The following RP1 variants were observed in gnomAD, a reference collection of about 807,000 sequenced individuals.
The protein encoded by RP1 is oxygen-regulated protein 1.
RP1 carries 16 observed loss-of-function variants against 14.8 expected under a neutral mutation model. That is an observed-to-expected ratio of 1.08 (90% confidence interval 0.73 to 1.65). The LOEUF is 1.65. Ranked by LOEUF, RP1 falls within the 40% of genes most tolerant of loss-of-function variation. The pLI, the probability that RP1 is intolerant of heterozygous loss-of-function variation, is 0.00. For synonymous variants in RP1, 876 were observed against 883.6 expected, an observed-to-expected ratio of 0.99 and a Z score of 0.15; for missense variants, 2,631 against 2,535.0, an observed-to-expected ratio of 1.04 and a Z score of -0.81.
chr8:54,657,869 C>T (rs1806790260), intron 6 of RP1, among the ~76,000 whole-genome samples: 1 of 152,180 alleles, frequency 6.6e-6, no homozygotes. Flanking sequence ...AAAGTGGGCT[C>T]ACAGTCTGTG....
At chr8:54,635,848 C>T (rs150960271) in intron 3 of RP1, among the ~76,000 whole-genome samples, 99 of 152,236 alleles carry the variant, frequency 6.5e-4, no homozygotes, top group African/African-American at 2.3e-3. Flanking sequence ...AGCCCATCTA[C>T]AACCCCCACA....
chr8:54,595,727 A>G lies in RP1; in HGVS notation c.-12-25228A>G, dbSNP rs572111046. Among the ~76,000 whole-genome samples, 28 of 152,334 alleles carry G rather than the reference A, an allele frequency of 1.8e-4. No individual in the cohort carries two copies. In the South Asian group the frequency reaches 5.6e-3, roughly 30 times the overall value. On this transcript the variant is annotated intron_variant, in intron 1 of 22. Transcript: ENST00000636932. ...TGCTTTATTGTTTTAAATAATTAGA[A>G]ATTATTTTGTGGATTGACTTGTCTC...
chr8:54,769,713 T>C, intron 22 of RP1: 3 of 1,406,592 alleles, frequency 2.1e-6, no homozygotes, highest in South Asian at 1.3e-5. Context: ...TCCTCTCTCT[T>C]TCTTTCTCTC....
In RP1 at chr8:54,675,754, G is replaced by T. The variant is rs984965477; in HGVS notation, c.1402+1826G>T. Among the ~76,000 whole-genome samples the T allele has an allele frequency of 1.5e-4, 23 of 152,138 alleles. 1 individual carries two copies. The highest frequency in any genetic ancestry group is 5.6e-4 in the African/African-American group (23 of 41,430). On this transcript the variant is annotated intron_variant, in intron 8 of 22. Transcript: ENST00000636932. Reference sequence around the variant, plus strand: ...TACAGTCTAACAGAATGTTATGATGGTGTTTTTTTCTGTCTTATTTTCTGC... The same window carrying T: ...TACAGTCTAACAGAATGTTATGATGTTGTTTTTTTCTGTCTTATTTTCTGC...
At chr8:54,858,238 GA>G (rs1812250665) in intron 27 of RP1, among the ~76,000 whole-genome samples, 1 of 152,176 alleles carries the variant, frequency 6.6e-6, no homozygotes, top group Non-Finnish European at 1.5e-5. Flanking sequence ...TGAATAGAAA[GA>G]AAATAGACAC....
intron 1 of RP1, among the ~76,000 whole-genome samples, chr8:54,602,203 C>T (rs1338914959): frequency 2.0e-5 from 3 of 152,072 alleles, no homozygotes; most frequent in Non-Finnish European, 2.9e-5. Context: ...CACCCCACAA[C>T]AGGCCCCAGT....
At chr8:54,588,128 A>G (rs1001840299) in intron 1 of RP1, among the ~76,000 whole-genome samples, 7 of 152,204 alleles carry the variant, frequency 4.6e-5, no homozygotes, top group Admixed American at 6.5e-5. Context: ...TATAACTGCA[A>G]ATTATGGTGC....
rs754138300 is a variant in RP1, at chr8:54,626,755, A to G, written c.2873A>G (p.His958Arg). 5.0e-6 allele frequency: 8 copies of G among 1,613,930 alleles called. No individual in the cohort carries two copies. The Admixed American group carries it at 5.0e-5, about 10-fold the overall frequency. Residue 958 changes from histidine (H) to arginine (R), a missense_variant, in exon 4 of 4, where the codon CAT (histidine) becomes CGT (arginine). Transcript: ENST00000220676. ...SNNSFSGNDPHTNSGKISNFV... is the reference protein window; with the variant it reads ...SNNSFSGNDPRTNSGKISNFV... ...AATAGTTTTTCAGGGAATGATCCCCATACAAATTCTGGAAAAATAAGTAAT... is the reference window on the plus strand; with the variant it reads ...AATAGTTTTTCAGGGAATGATCCCCGTACAAATTCTGGAAAAATAAGTAAT...
intron 4 of RP1, chr8:54,649,234 TA>T: frequency 9.7e-7 from 1 of 1,026,446 alleles, no homozygotes; most frequent in South Asian, 3.0e-5. Context: ...ATCCCTTTAG[TA>T]ACACCATGTG....
At chr8:54,768,366 T>A (rs1177443451) in intron 22 of RP1, among the ~76,000 whole-genome samples, 1 of 152,350 alleles carries the variant, frequency 6.6e-6, no homozygotes, top group Admixed American at 6.5e-5. Context: ...CTTTGTTACA[T>A]TTATATCTTT....
intron 6 of RP1, among the ~76,000 whole-genome samples, chr8:54,659,697 T>G (rs1386879381): frequency 6.6e-6 from 1 of 152,246 alleles, no homozygotes; most frequent in Admixed American, 6.5e-5. Context: ...TTGTTTTGAC[T>G]ATTCAGGGAT....
At position 54,776,236 on chromosome 8, in the gene RP1, C is replaced by T. The variant is rs184026596; in HGVS notation, c.3451+6069C>T. The stretch of plus-strand genomic sequence containing the variant: ...TATTTTTTAGAGACAGGGTCTTGCT[C>T]TGTCACCCAGGGTAGAGTGCAGTGG... On this transcript the variant is annotated intron_variant, in intron 23 of 28. Coordinates refer to the RP1 transcript ENST00000637698. Among the ~76,000 whole-genome samples the T allele has an allele frequency of 2.1e-3, 316 of 152,288 alleles. 1 individual carries two copies. The highest frequency in any genetic ancestry group is 7.1e-3 in the African/African-American group (294 of 41,568).
chr8:54,869,970 A>G (rs1039990536), exon 29 of RP1: 4 of 1,036,682 alleles, frequency 3.9e-6, no homozygotes, highest in Admixed American at 4.3e-5. Context: ...TGTCGCTCCA[A>G]TATGCTTCAA....
At chr8:54,611,688 G>C (rs1432186449), upstream of RP1, among the ~76,000 whole-genome samples, 1 of 152,036 alleles carries the variant, frequency 6.6e-6, no homozygotes, top group Non-Finnish European at 1.5e-5. Flanking sequence ...TCTGCCATCT[G>C]GCTTCCTCAG....
chr8:54,854,862 C>G (rs537534209), intron 26 of RP1, among the ~76,000 whole-genome samples: 1 of 152,154 alleles, frequency 6.6e-6, no homozygotes, highest in South Asian at 2.1e-4. Flanking sequence ...AAGACTCTGT[C>G]TCAAAAAATA....
intron 14 of RP1, among the ~76,000 whole-genome samples, chr8:54,705,503 G>T (rs999431339): frequency 2.0e-5 from 3 of 152,122 alleles, no homozygotes; most frequent in Admixed American, 2.0e-4. Context: ...TCAGTCTCCA[G>T]CCTCTCAGGA....
chr8:54,604,649 C>T (rs1352607696), intron 1 of RP1, among the ~76,000 whole-genome samples: 1 of 152,200 alleles, frequency 6.6e-6, no homozygotes, highest in East Asian at 1.9e-4. Flanking sequence ...TAGAATTCGG[C>T]AGTCAATCCA....
At chr8:54,573,304 C>T (rs569579407) in intron 1 of RP1, among the ~76,000 whole-genome samples, 8 of 144,484 alleles carry the variant, frequency 5.5e-5, no homozygotes, top group African/African-American at 1.7e-4. Context: ...GTAAAGTCTG[C>T]TAATGGCACT....
intron 24 of RP1, among the ~76,000 whole-genome samples, chr8:54,815,283 C>A (rs567102178): frequency 6.6e-6 from 1 of 152,058 alleles, no homozygotes; most frequent in Non-Finnish European, 1.5e-5. Flanking sequence ...TTGTATATAT[C>A]AAATATGCAA....
Sources: allele counts gnomAD v4.1 joint callset (sites outside exome capture counted in the v4.1 genomes callset), GRCh38; gene constraint gnomAD v4.1.1; transcripts MANE v1.5; gene names NCBI Gene and HGNC (gene_info 2026-07-23, HGNC 2026-07-21).